The following CCDC24 variants were observed in gnomAD, a reference collection of about 807,000 sequenced individuals.
CCDC24 encodes the protein coiled-coil domain containing 24.
CCDC24 carries 34 observed loss-of-function variants against 31.6 expected under a neutral mutation model. That is an observed-to-expected ratio of 1.08 (90% CI 0.82 to 1.43). The LOEUF (loss-of-function observed/expected upper bound fraction) is 1.43. Among genes scored for constraint, CCDC24 ranks in the 40% most tolerant of loss-of-function variants. The pLI, the probability that CCDC24 is intolerant of heterozygous loss-of-function variation, is 0.00. For missense variants in CCDC24, 426 were observed against 391.1 expected, an observed-to-expected ratio of 1.09 and a Z score of -0.75; for synonymous variants, 175 against 157.3, an observed-to-expected ratio of 1.11 and a Z score of -0.84.
rs2085839562 is a variant in CCDC24, at chr1:43,995,922, AC to A, written c.702-15del. 3 of 1,613,566 alleles carry A rather than the reference AC, an allele frequency of 1.9e-6. No individual in the cohort carries two copies. In the Admixed American group the frequency reaches 5.0e-5, roughly 27 times the overall value. On this transcript the variant is annotated splice_polypyrimidine_tract_variant and intron_variant, in intron 8 of 8. Coordinates refer to ENST00000372318, the MANE Select transcript of CCDC24 (RefSeq NM_152499.4). This position sits in a 1 kb window ranked among gnomAD's most constrained non-coding sequence, Gnocchi z 4.3. Reference sequence around the variant, plus strand: ...GATCAGACCACCACCCCTCACAGTTACTCTTTCTTGTCCAGGCAGCGGCCCT... The same window carrying A: ...GATCAGACCACCACCCCTCACAGTTATCTTTCTTGTCCAGGCAGCGGCCCT...
chr1:43,992,680 C>T, intron 4 of CCDC24, 41 bp downstream of exon 4: 1 of 1,588,174 alleles, frequency 6.3e-7, no homozygotes, highest in Non-Finnish European at 8.6e-7. Flanking sequence ...CCCTGCTTGG[C>T]AGAGGGCCCT....
chr1:43,992,054 G>A, intron 2 of CCDC24, 50 bp downstream of exon 2: 1 of 1,367,234 alleles, frequency 7.3e-7, no homozygotes, highest in Non-Finnish European at 9.4e-7. Flanking sequence ...CACGACTCGG[G>A]TGATTTCCCA....
At chr1:43,994,891 G>A in intron 5 of CCDC24, 2 of 590,090 alleles carry the variant, frequency 3.4e-6, no homozygotes, top group South Asian at 4.1e-5. Flanking sequence ...GCCAGGGTGA[G>A]GCAGGCGAGG....
chr1:43,995,337 G>T lies in CCDC24; in HGVS notation c.552+175G>T. On this transcript the variant is annotated intron_variant, in intron 6 of 8. Transcript: ENST00000372318. The surrounding 1 kb of genome is among the most constrained non-coding windows in gnomAD (Gnocchi z 4.3). ...CACCTGCAAAATCCTGGAGGCCCAG[G>T]ATTCTAGTTGAGCCCTTAAGGCCAG... The T allele has an allele frequency of 2.6e-6, 2 of 767,270 alleles. No homozygotes were observed. Among genetic ancestry groups the T allele is most frequent in the South Asian group, 1.8e-5 (1 of 55,928 alleles). 47.5% of individuals were successfully genotyped at this position (767,270 alleles called of 1,614,324 possible).
rs2085853324 is a variant in CCDC24, at chr1:43,996,158, T to G, written c.922T>G (p.Ter308GlyextTer122). 6.4e-7 allele frequency: 1 copy of G among 1,574,136 alleles called. No homozygotes were observed. The highest frequency in any genetic ancestry group is 8.6e-7 in the Non-Finnish European group (1 of 1,159,102). Reference protein sequence around the residue: ...MSSAAPQAPA* With the variant: ...MSSAAPQAPAG ...CAGTGCAGCACCCCAAGCCCCAGCC[T>G]GAAGGGCTGGTCACCGAGTAGGCTC... Residue 308 changes from the stop codon to glycine (G), a stop_lost, in exon 9 of 9, where the codon TGA (stop) becomes GGA (glycine). Coordinates refer to ENST00000372318, the MANE Select transcript of CCDC24 (RefSeq NM_152499.4).
chr1:43,996,106 G>A lies in CCDC24; in HGVS notation c.870G>A (p.Arg290=). The part of the protein sequence containing the change: ...RWGRQLQCSP[R]EGPASTPMSS... Reference sequence around the variant, plus strand: ...GACGGCAGCTTCAGTGCAGCCCCAGGGAAGGGCCAGCTTCCACACCCATGT... The same window carrying A: ...GACGGCAGCTTCAGTGCAGCCCCAGAGAAGGGCCAGCTTCCACACCCATGT... The change falls in exon 9 of 9, where the codon AGG becomes AGA. Residue 290 remains arginine (R), a synonymous_variant. Transcript: ENST00000372318. The A allele has an allele frequency of 1.2e-6, 2 of 1,613,508 alleles. No homozygotes were observed. The highest frequency in any genetic ancestry group is 1.6e-4 in the Middle Eastern group (1 of 6,062).
rs528510558 is a variant in CCDC24, at chr1:43,996,213, G to A, written c.*53G>A. ...TTCTGCCACAGCGCACCTGTCTGCCGCTGCCGCCTCAGCTGCTTTGGCCCA... is the reference window on the plus strand; with the variant it reads ...TTCTGCCACAGCGCACCTGTCTGCCACTGCCGCCTCAGCTGCTTTGGCCCA... On this transcript the variant is annotated 3_prime_UTR_variant, in exon 9 of 9. Coordinates refer to ENST00000372318, the MANE Select transcript of CCDC24 (RefSeq NM_152499.4). The A allele has an allele frequency of 7.7e-6, 11 of 1,428,528 alleles. No homozygotes were observed. The highest frequency in any genetic ancestry group is 1.0e-5 in the Non-Finnish European group (11 of 1,070,958). The allele number at this position is 1,428,528 out of a possible 1,614,324, so 88.5% of individuals were successfully genotyped here.
Position 43,995,077 on chromosome 1 carries a change from G to A in CCDC24, c.498-31G>A, listed in dbSNP as rs377140087. 2.5e-4 allele frequency: 383 copies of A among 1,561,896 alleles called. 2 individuals carry two copies. The highest frequency in any genetic ancestry group is 4.6e-4 in the Middle Eastern group (2 of 4,376). On this transcript the variant is annotated intron_variant, in intron 5 of 8. Coordinates refer to ENST00000372318, the MANE Select transcript of CCDC24 (RefSeq NM_152499.4). The surrounding 1 kb of genome is among the most constrained non-coding windows in gnomAD (Gnocchi z 4.3). ...CAGCTGAGCCCTGGTCCTGTGTCTC[G>A]GGTTCTGGCTGCTGCTCCCTCATGT...
chr1:43,995,027 G>A lies in CCDC24; in HGVS notation c.498-81G>A, dbSNP rs2085810203. On this transcript the variant is annotated intron_variant, in intron 5 of 8. Coordinates refer to ENST00000372318, the MANE Select transcript of CCDC24 (RefSeq NM_152499.4). This position sits in a 1 kb window ranked among gnomAD's most constrained non-coding sequence, Gnocchi z 4.3. The stretch of plus-strand genomic sequence containing the variant: ...GTTGGGTGGGGCTCCTGCTGAGGCT[G>A]GAGGTTGGGGCCATGTGGTGGACTC... 3 of 1,336,884 alleles carry A rather than the reference G, an allele frequency of 2.2e-6. No homozygotes were observed. Among genetic ancestry groups the A allele is most frequent in the Non-Finnish European group, 3.1e-6 (3 of 955,196 alleles). The allele number at this position is 1,336,884 out of a possible 1,614,324, so 82.8% of individuals were successfully genotyped here.
intron 4 of CCDC24, among the ~76,000 whole-genome samples, chr1:43,993,254 A>C (rs1056841683): frequency 2.3e-4 from 35 of 150,862 alleles, no homozygotes; most frequent in African/African-American, 7.0e-4. Context: ...CAGCCTGGGC[A>C]ATACAGGGAG....
Position 43,991,628 on chromosome 1 carries a change from T to C in CCDC24, c.-151T>C, listed in dbSNP as rs1557655672. The C allele has an allele frequency of 2.8e-6, 2 of 705,006 alleles. No homozygotes were observed. Among genetic ancestry groups the C allele is most frequent in the South Asian group, 1.5e-5 (1 of 67,608 alleles). 43.7% of individuals were successfully genotyped at this position (705,006 alleles called of 1,614,324 possible). On this transcript the variant is annotated 5_prime_UTR_variant, in exon 1 of 9. Transcript: ENST00000372318. ...GTGGGGCTAGGGCCCTGGTTCCCAC[T>C]GCCTGGTTTCTGGGCCCCCGGCATC...
In CCDC24 at chr1:43,996,220, C is replaced by A. The variant is rs2154303835; in HGVS notation, c.*60C>A. 7.1e-7 allele frequency: 1 copy of A among 1,410,352 alleles called. No homozygotes were observed. Among genetic ancestry groups the A allele is most frequent in the African/African-American group, 1.4e-5 (1 of 69,348 alleles). The allele number at this position is 1,410,352 out of a possible 1,614,324, so 87.4% of individuals were successfully genotyped here. A position where few individuals can be genotyped will look rare whatever the true frequency, so the allele number is the denominator to read the frequency against. ...ACAGCGCACCTGTCTGCCGCTGCCG[C>A]CTCAGCTGCTTTGGCCCAGCCAGCT... On this transcript the variant is annotated 3_prime_UTR_variant, in exon 9 of 9. Transcript: ENST00000372318.
At position 43,995,582 on chromosome 1, in the gene CCDC24, G is replaced by A; in HGVS notation, c.553-19G>A. On this transcript the variant is annotated intron_variant, in intron 6 of 8. Coordinates refer to ENST00000372318, the MANE Select transcript of CCDC24 (RefSeq NM_152499.4). The surrounding 1 kb of genome is among the most constrained non-coding windows in gnomAD (Gnocchi z 4.3). ...CACCCCTGCCTTGAGTCTGGGCACTGACGCAGCTCTCCCTGCAGCGCTGCC... is the reference window on the plus strand; with the variant it reads ...CACCCCTGCCTTGAGTCTGGGCACTAACGCAGCTCTCCCTGCAGCGCTGCC... 6.3e-7 allele frequency: 1 copy of A among 1,592,888 alleles called. No homozygotes were observed. The highest frequency in any genetic ancestry group is 8.6e-7 in the Non-Finnish European group (1 of 1,167,846).
intron 5 of CCDC24, 176 bp from the exon 6 acceptor site, chr1:43,994,930 TCA>T: frequency 1.7e-6 from 1 of 605,076 alleles, no homozygotes; most frequent in South Asian, 2.0e-5. Flanking sequence ...AGAAAGAGCC[TCA>T]CAGGGGCCAG....
At chr1:43,994,036 T>G in intron 5 of CCDC24, 72 bp downstream of exon 5, 1 of 1,372,182 alleles carries the variant, frequency 7.3e-7, no homozygotes, top group African/African-American at 1.4e-5. Flanking sequence ...GTGCTGGGAT[T>G]GTGAGACAGG....
chr1:43,995,749 G>A lies in CCDC24; in HGVS notation c.623-29G>A, dbSNP rs1376174209. 3 of 1,614,016 alleles carry A rather than the reference G, an allele frequency of 1.9e-6. No homozygotes were observed. The South Asian group carries it at 3.3e-5, about 18-fold the overall frequency. On this transcript the variant is annotated intron_variant, in intron 7 of 8. Transcript: ENST00000372318. The surrounding 1 kb of genome is among the most constrained non-coding windows in gnomAD (Gnocchi z 4.3). ...CTTGTACACACCCTAGAAGAGCTGG[G>A]CACTGTCTCAGCCCAATCTCTCCTT...
chr1:43,994,855 G>A, intron 5 of CCDC24: 1 of 576,196 alleles, frequency 1.7e-6, no homozygotes, highest in Non-Finnish European at 3.1e-6. Flanking sequence ...TCACAGTGCA[G>A]AAGTGTGGGA....
intron 2 of CCDC24, 84 bp downstream of exon 2, chr1:43,992,088 C>G (rs2085755348): frequency 1.3e-6 from 2 of 1,499,574 alleles, no homozygotes; most frequent in Non-Finnish European, 1.8e-6. Context: ...CTGGCCCTGC[C>G]GGGTAACTCC....
intron 2 of CCDC24, 44 bp from the exon 3 acceptor site, chr1:43,992,168 A>G (rs2085757261): frequency 6.4e-7 from 1 of 1,570,526 alleles, no homozygotes; most frequent in East Asian, 2.2e-5. Flanking sequence ...ACCATTCCGG[A>G]CACTCCCCTC....
Sources: allele counts gnomAD v4.1 joint callset (sites outside exome capture counted in the v4.1 genomes callset), GRCh38; gene constraint gnomAD v4.1.1; non-coding constraint Gnocchi (gnomAD v3.1); transcripts MANE v1.5; gene names NCBI Gene and HGNC (gene_info 2026-07-23, HGNC 2026-07-21).